HMGCLL1: variants seen among roughly 807,000 people sequenced by gnomAD.
The protein encoded by HMGCLL1 is 3-hydroxy-3-methylglutaryl-CoA lyase like 1.
HMGCLL1 carries 36 observed loss-of-function variants against 39.1 expected under a neutral mutation model. The observed-to-expected ratio is 0.92, with a 90% CI of 0.71 to 1.22. The LOEUF is 1.22. Among genes scored for constraint, HMGCLL1 ranks in the 50% most tolerant of loss-of-function variants. The pLI is 0.00. For synonymous variants in HMGCLL1, 149 were observed against 144.0 expected (o/e 1.03, Z -0.25); for missense variants, 451 against 416.5 (o/e 1.08, Z -0.72).
At chr6:55,474,584 C>T (rs2127405939) in intron 7 of HMGCLL1, among the ~76,000 whole-genome samples, 1 of 151,668 alleles carries the variant, frequency 6.6e-6, no homozygotes, top group Middle Eastern at 3.4e-3. Flanking sequence ...TTTGAATTCC[C>T]TGTCTCATCA....
chr6:55,499,624 T>C (rs1200298410), intron 5 of HMGCLL1, among the ~76,000 whole-genome samples: 1 of 152,066 alleles, frequency 6.6e-6, no homozygotes, highest in Non-Finnish European at 1.5e-5. Flanking sequence ...TATATGGTTT[T>C]ATTAAAATAA....
intron 7 of HMGCLL1, among the ~76,000 whole-genome samples, chr6:55,455,756 A>T (rs1309213441): frequency 6.6e-6 from 1 of 152,212 alleles, no homozygotes; most frequent in Non-Finnish European, 1.5e-5. Flanking sequence ...TTTCAAAATA[A>T]TGATAGCCTT....
At chr6:55,535,238 C>T (rs1003903294) in intron 3 of HMGCLL1, among the ~76,000 whole-genome samples, 33 of 152,120 alleles carry the variant, frequency 2.2e-4, no homozygotes, top group African/African-American at 6.8e-4. Flanking sequence ...AAAAACAGAA[C>T]GAGCCTCATA....
intron 1 of HMGCLL1, among the ~76,000 whole-genome samples, chr6:55,549,670 T>A (rs554440127): frequency 1.3e-5 from 2 of 152,038 alleles, no homozygotes; most frequent in South Asian, 4.1e-4. Flanking sequence ...TGAGGACACT[T>A]GGTTTAATAT....
Position 55,516,622 on chromosome 6 carries a change from A to C in HMGCLL1, c.298-19T>G. The C allele has an allele frequency of 6.8e-7, 1 of 1,466,302 alleles. No homozygotes were observed. Among genetic ancestry groups the C allele is most frequent in the East Asian group, 2.3e-5 (1 of 43,870 alleles). The allele number at this position is 1,466,302 out of a possible 1,614,324, so 90.8% of individuals were successfully genotyped here. ...CAGCCATCTTAAATACATAATAGTT[A>C]TATGTAAATGTGTAACTTCGAATAT... On this transcript the variant is annotated intron_variant, in intron 3 of 8. Coordinates refer to ENST00000274901, the MANE Select transcript of HMGCLL1 (RefSeq NM_001042406.2).
At chr6:55,618,501 A>C in the HMGCLL1 span, among the ~76,000 whole-genome samples, 2 of 152,030 alleles carry the variant, frequency 1.3e-5, no homozygotes, top group Non-Finnish European at 2.9e-5. Flanking sequence ...ATAGAGAAGA[A>C]ATTATCAAAA....
intron 1 of HMGCLL1, among the ~76,000 whole-genome samples, chr6:55,553,786 A>G (rs375298373): frequency 6.6e-6 from 1 of 152,222 alleles, no homozygotes; most frequent in Non-Finnish European, 1.5e-5. Context: ...ATTTTAAAAT[A>G]TAACTACTTG....
At chr6:55,645,807 G>C in the HMGCLL1 span, among the ~76,000 whole-genome samples, 1 of 151,434 alleles carries the variant, frequency 6.6e-6, no homozygotes, top group East Asian at 1.9e-4. Flanking sequence ...CCAGTATTTT[G>C]TTTAGGATTT....
At chr6:55,457,825 C>G (rs75290568) in intron 7 of HMGCLL1, among the ~76,000 whole-genome samples, 21,422 of 151,986 alleles carry the variant, frequency 0.14, 1,506 homozygotes, top group Middle Eastern at 0.21. Flanking sequence ...TTTTATTAAC[C>G]CACCTTGAGT....
chr6:55,558,617 G>T (rs1273331789), intron 1 of HMGCLL1, among the ~76,000 whole-genome samples: 1 of 152,026 alleles, frequency 6.6e-6, no homozygotes, highest in African/African-American at 2.4e-5. Flanking sequence ...GTCCTTCCAT[G>T]TGAATATGAT....
intron 7 of HMGCLL1, among the ~76,000 whole-genome samples, chr6:55,483,511 C>T (rs998245546): frequency 1.3e-5 from 2 of 152,148 alleles, no homozygotes; most frequent in Non-Finnish European, 2.9e-5. Context: ...GATCTGCCTG[C>T]CTTGGCCACC....
chr6:55,491,309 C>A (rs1766298977), intron 7 of HMGCLL1, among the ~76,000 whole-genome samples: 2 of 152,110 alleles, frequency 1.3e-5, no homozygotes, highest in Non-Finnish European at 1.5e-5. Flanking sequence ...TGTAACTAAC[C>A]TGCACGTTGT....
At chr6:55,467,691 T>C (rs1764852584) in intron 7 of HMGCLL1, among the ~76,000 whole-genome samples, 1 of 152,044 alleles carries the variant, frequency 6.6e-6, no homozygotes, top group African/African-American at 2.4e-5. Context: ...ATATAAAAAA[T>C]GGAGTGTTTC....
chr6:55,491,798 T>C (rs1185244808), intron 7 of HMGCLL1, among the ~76,000 whole-genome samples: 1 of 152,152 alleles, frequency 6.6e-6, no homozygotes, highest in Non-Finnish European at 1.5e-5. Context: ...TCTTTTGGTT[T>C]TGAGGGATTA....
At chr6:55,452,827 G>C (rs182163307) in intron 7 of HMGCLL1, among the ~76,000 whole-genome samples, 1 of 152,216 alleles carries the variant, frequency 6.6e-6, no homozygotes, top group Non-Finnish European at 1.5e-5. Context: ...CTAGTAACTA[G>C]CATCATTAAG....
At chr6:55,670,254 AT>A in the HMGCLL1 span, among the ~76,000 whole-genome samples, 13 of 151,794 alleles carry the variant, frequency 8.6e-5, no homozygotes, top group African/African-American at 1.4e-4. Context: ...TCCAAAAAAA[AT>A]ATCCTTCCAT....
At chr6:55,566,060 A>G (rs1430688310) in intron 1 of HMGCLL1, among the ~76,000 whole-genome samples, 1 of 152,130 alleles carries the variant, frequency 6.6e-6, no homozygotes, top group Non-Finnish European at 1.5e-5. Context: ...TAAGATTCAT[A>G]TTTTGACTTC....
chr6:55,627,932 T>TATATATA, the HMGCLL1 span, among the ~76,000 whole-genome samples: 1 of 650 alleles, frequency 1.5e-3, no homozygotes, highest in Non-Finnish European at 2.6e-3. Flanking sequence ...ATATATATAC[T>TATATATA]ATATATATAG....
the HMGCLL1 span, among the ~76,000 whole-genome samples, chr6:55,609,011 G>A: frequency 1.3e-5 from 2 of 152,218 alleles, no homozygotes; most frequent in African/African-American, 2.4e-5. Context: ...AGTGAGAGTG[G>A]TACCCAGCCA....
Sources: gnomAD v4.1 joint callset for allele counts (sites outside exome capture counted in the v4.1 genomes callset) on GRCh38, gnomAD v4.1.1 for gene constraint, MANE v1.5 for transcripts, NCBI Gene and HGNC (gene_info 2026-07-23, HGNC 2026-07-21) for gene names.